The following KANSL1L variants were observed in gnomAD, a reference collection of about 807,000 sequenced individuals.
KANSL1L encodes the protein KAT8 regulatory NSL complex subunit 1 like.
A neutral mutation model predicts 108.6 loss-of-function variants in KANSL1L; 25 were observed. The observed-to-expected ratio is 0.23, with a 90% CI of 0.17 to 0.32. The LOEUF (loss-of-function observed/expected upper bound fraction) is 0.32, where lower values mean the gene tolerates loss of function less well. Among genes scored for constraint, KANSL1L ranks in the 10% least tolerant of loss-of-function variants. KANSL1L has a pLI of 1.00. For missense variants in KANSL1L, 1,137 were observed against 1,125.7 expected, an observed-to-expected ratio of 1.01 and a Z score of -0.14; for synonymous variants, 405 against 395.1, an observed-to-expected ratio of 1.03 and a Z score of -0.30.
intron 5 of KANSL1L, among the ~76,000 whole-genome samples, chr2:210,095,119 A>AT (rs2094724682): frequency 6.6e-6 from 1 of 151,974 alleles, no homozygotes; most frequent in Admixed American, 6.6e-5. Flanking sequence ...GAACAGGCAT[A>AT]TTTTTTCCTG....
chr2:210,073,774 A>AAC (rs372708042), intron 6 of KANSL1L, among the ~76,000 whole-genome samples: 20,522 of 141,870 alleles, frequency 0.14, 1,921 homozygotes, highest in East Asian at 0.3. Context: ...GAAACACACA[A>AAC]ACACACACAC....
Position 210,022,937 on chromosome 2 carries a change from A to G in KANSL1L, c.*12T>C. ...TTCCTACATTTACATAGTTTTCTTA[A>G]CCTGTTCCCTGTCACCTATTTTTTT... is the stretch of plus-strand genomic sequence containing the variant. On this transcript the variant is annotated 3_prime_UTR_variant, in exon 15 of 15. Transcript: ENST00000281772. The G allele has an allele frequency of 6.4e-7, 1 of 1,571,822 alleles. No individual in the cohort carries two copies. Among genetic ancestry groups the G allele is most frequent in the Non-Finnish European group, 8.8e-7 (1 of 1,142,200 alleles).
chr2:210,038,916 A>G (rs996214815), intron 8 of KANSL1L, among the ~76,000 whole-genome samples: 1 of 151,954 alleles, frequency 6.6e-6, no homozygotes, highest in Admixed American at 6.5e-5. Context: ...AAGCCCTTCA[A>G]TCAGTGCTGA....
intron 2 of KANSL1L, among the ~76,000 whole-genome samples, chr2:210,139,972 A>G (rs2095213436): frequency 6.6e-6 from 1 of 151,074 alleles, no homozygotes; most frequent in Non-Finnish European, 1.5e-5. Context: ...CAAATTCCTG[A>G]GCTCAAGCGA....
At chr2:210,069,037 C>T (rs1239209352) in intron 6 of KANSL1L, among the ~76,000 whole-genome samples, 1 of 152,206 alleles carries the variant, frequency 6.6e-6, no homozygotes, top group African/African-American at 2.4e-5. Flanking sequence ...TCCTTACTCA[C>T]TTTATCTCTT....
chr2:210,044,517 G>C lies in KANSL1L; in HGVS notation c.1756-413C>G, dbSNP rs565816822. Among the ~76,000 whole-genome samples, 8 of 151,114 alleles carry C rather than the reference G, an allele frequency of 5.3e-5. No homozygotes were observed. Among genetic ancestry groups the C allele is most frequent in the Non-Finnish European group, 1.0e-4 (7 of 67,890 alleles). On this transcript the variant is annotated intron_variant, in intron 6 of 14. Transcript: ENST00000281772. This position sits in a 1 kb window ranked among gnomAD's most constrained non-coding sequence, Gnocchi z 4.2. ...ATAAAAATGATCAAAGGAGACATAT[G>C]TGTTTTGTTCCTGATTGTAATGGGA...
chr2:210,139,174 G>T (rs1007047599), intron 2 of KANSL1L, among the ~76,000 whole-genome samples: 2 of 152,144 alleles, frequency 1.3e-5, no homozygotes, highest in East Asian at 1.9e-4. Flanking sequence ...TTGAAAAATT[G>T]TAAGTTGAGC....
intron 14 of KANSL1L, 35 bp from the exon 15 acceptor site, chr2:210,023,214 TA>T: frequency 6.8e-7 from 1 of 1,473,058 alleles, no homozygotes; most frequent in South Asian, 1.1e-5. Flanking sequence ...AAGTTTCAAC[TA>T]ACTTGTTTTG....
chr2:210,146,385 C>T (rs902599410), intron 2 of KANSL1L, among the ~76,000 whole-genome samples: 3 of 152,158 alleles, frequency 2.0e-5, no homozygotes, highest in African/African-American at 4.8e-5. Flanking sequence ...GCTTCTATCA[C>T]TCAGCTTAGC....
chr2:210,030,414 G>T (rs1203980942), intron 9 of KANSL1L, among the ~76,000 whole-genome samples: 5 of 148,418 alleles, frequency 3.4e-5, no homozygotes, highest in Non-Finnish European at 1.5e-5. Context: ...TCCTGTTCTT[G>T]TTTCATAGAT....
intron 3 of KANSL1L, among the ~76,000 whole-genome samples, chr2:210,108,691 G>A (rs1237177166): frequency 1.3e-5 from 2 of 152,150 alleles, no homozygotes; most frequent in Non-Finnish European, 1.5e-5. Context: ...ATCTTGAAAC[G>A]ACTGGGTAAT....
Position 210,104,170 on chromosome 2 carries a change from T to A in KANSL1L, c.1362A>T (p.Val454=). ...GTGACATTTCAAAATCTTGTTCCGGTACAGGATCTTGACACTCCTGGGGAA... is the reference window on the plus strand; with the variant it reads ...GTGACATTTCAAAATCTTGTTCCGGAACAGGATCTTGACACTCCTGGGGAA... ...PQVPQECQDP[V]PEQDFEMSPS... is the part of the protein sequence containing the mutation. The change falls in exon 4 of 15, where the codon GTA becomes GTT. Residue 454 remains valine (V), a synonymous_variant. Coordinates refer to ENST00000281772, the MANE Select transcript of KANSL1L (RefSeq NM_152519.4). 2 of 1,613,806 alleles carry A rather than the reference T, an allele frequency of 1.2e-6. No individual in the cohort carries two copies. Among genetic ancestry groups the A allele is most frequent in the Non-Finnish European group, 1.7e-6 (2 of 1,179,724 alleles).
chr2:210,143,494 G>A (rs1164970295), intron 2 of KANSL1L, among the ~76,000 whole-genome samples: 2 of 152,074 alleles, frequency 1.3e-5, no homozygotes, highest in African/African-American at 4.8e-5. Context: ...TGTGTTCACT[G>A]TTTTCTGTTT....
chr2:210,154,227 A>G lies in KANSL1L; in HGVS notation c.356T>C (p.Ile119Thr). 1 of 1,614,114 alleles carries G rather than the reference A, an allele frequency of 6.2e-7. No individual in the cohort carries two copies. Among genetic ancestry groups the G allele is most frequent in the South Asian group, 1.1e-5 (1 of 91,068 alleles). ...AGAAAGACAGATTTTACTGAGCTGA[A>G]TGTTGCTGCCATTATACAGTATGTT... ...LKNILYNGSN[I>T]QLSKICLSHS... Residue 119 changes from isoleucine to threonine, a missense_variant, in exon 2 of 15, where the codon ATT (isoleucine) becomes ACT (threonine). Around this residue, in one of 3 missense-constraint regions of KANSL1L, gnomAD observed 556 missense variants for 537.7 expected, o/e 1.03. Transcript: ENST00000281772.
chr2:210,154,010 A>G lies in KANSL1L; in HGVS notation c.573T>C (p.Gly191=). 6.2e-7 allele frequency: 1 copy of G among 1,613,852 alleles called. No individual in the cohort carries two copies. The highest frequency in any genetic ancestry group is 8.5e-7 in the Non-Finnish European group (1 of 1,179,992). ...DKVTDAEIKK[G]LLHCTQKKIV... is the part of the protein sequence containing the mutation. Reference sequence around the variant, plus strand: ...TTTTCTTTTGAGTACAGTGCAATAAACCCTTTTTAATCTCAGCATCAGTAA... The same window carrying G: ...TTTTCTTTTGAGTACAGTGCAATAAGCCCTTTTTAATCTCAGCATCAGTAA... Residue 191 remains glycine, a synonymous_variant, in exon 2 of 15, where the codon GGT becomes GGC. Coordinates refer to ENST00000281772, the MANE Select transcript of KANSL1L (RefSeq NM_152519.4).
intron 5 of KANSL1L, among the ~76,000 whole-genome samples, chr2:210,086,860 T>C (rs578143441): frequency 4.2e-4 from 64 of 152,120 alleles, no homozygotes; most frequent in African/African-American, 1.5e-3. Context: ...ATAATAAGCA[T>C]GCTTTATTAG....
chr2:210,144,970 GA>G (rs1202371217), intron 2 of KANSL1L, among the ~76,000 whole-genome samples: 2 of 152,144 alleles, frequency 1.3e-5, no homozygotes, highest in African/African-American at 4.8e-5. Context: ...TTTCAGTGGA[GA>G]AAAAAACTTC....
chr2:210,024,430 ATTC>A (rs1317537758), intron 13 of KANSL1L, among the ~76,000 whole-genome samples: 3 of 152,202 alleles, frequency 2.0e-5, no homozygotes, highest in Admixed American at 6.5e-5. Context: ...GGGGAGGGTT[ATTC>A]TTGTTTTTTA....
intron 3 of KANSL1L, among the ~76,000 whole-genome samples, chr2:210,112,732 C>A (rs1230079492): frequency 6.6e-6 from 1 of 152,024 alleles, no homozygotes; most frequent in East Asian, 1.9e-4. Context: ...ATATCCATCA[C>A]CACAAATATT....
Sources: gnomAD v4.1 joint callset for allele counts (sites outside exome capture counted in the v4.1 genomes callset) on GRCh38, gnomAD v4.1.1 for gene constraint, gnomAD v4.1.1 regional missense constraint, Gnocchi (gnomAD v3.1) non-coding constraint, MANE v1.5 for transcripts, NCBI Gene and HGNC (gene_info 2026-07-23, HGNC 2026-07-21) for gene names.